The following LRBA variants were observed in gnomAD, a reference collection of about 807,000 sequenced individuals.
LRBA encodes the protein LPS responsive beige-like anchor protein.
In LRBA, 176 loss-of-function variants were observed where a neutral mutation model predicts 330.0. The observed-to-expected ratio is 0.53, with a 90% confidence interval of 0.47 to 0.60. LRBA has a LOEUF of 0.60. LRBA is among the 20% of genes least tolerant of loss of function. The probability of loss-of-function intolerance (pLI) is 0.00; values close to 1 mark genes in which losing one functional copy is unlikely to be tolerated. For synonymous variants in LRBA, 1,230 were observed against 1,193.0 expected (o/e 1.03, Z -0.64); for missense variants, 3,259 against 3,444.8 (o/e 0.95, Z 1.35).
chr4:150,960,303 A>G (rs573518399), intron 2 of LRBA, among the ~76,000 whole-genome samples: 1 of 148,890 alleles, frequency 6.7e-6, no homozygotes, highest in East Asian at 1.9e-4. Context: ...AAGGTATGGA[A>G]GCCAAATCTT....
intron 29 of LRBA, among the ~76,000 whole-genome samples, chr4:150,831,262 T>C (rs909083338): frequency 3.3e-5 from 5 of 151,852 alleles, no homozygotes; most frequent in African/African-American, 1.2e-4. Context: ...ACTTATAGCA[T>C]GTAGATATTT....
intron 35 of LRBA, among the ~76,000 whole-genome samples, chr4:150,756,307 C>G (rs1414824661): frequency 1.3e-5 from 2 of 152,068 alleles, no homozygotes; most frequent in Non-Finnish European, 2.9e-5. Context: ...TTGGAGGGAT[C>G]ACAAGCAAGC....
intron 55 of LRBA, among the ~76,000 whole-genome samples, chr4:150,281,508 A>G (rs936150804): frequency 6.6e-6 from 1 of 152,178 alleles, no homozygotes; most frequent in African/African-American, 2.4e-5. Context: ...GAAGGGGGTG[A>G]TCAGACTAGA....
intron 30 of LRBA, among the ~76,000 whole-genome samples, chr4:150,820,156 A>C (rs1239754022): frequency 1.3e-5 from 2 of 152,070 alleles, no homozygotes; most frequent in Admixed American, 6.6e-5. Flanking sequence ...ATCCTAAGGT[A>C]CATATTAATT....
At chr4:150,489,774 C>CTG (rs1479612738) in intron 41 of LRBA, among the ~76,000 whole-genome samples, 2 of 136,504 alleles carry the variant, frequency 1.5e-5, no homozygotes, top group Non-Finnish European at 3.1e-5. Flanking sequence ...ATATTCTTAT[C>CTG]TGTGTGTGTG....
intron 40 of LRBA, among the ~76,000 whole-genome samples, chr4:150,559,765 TTATA>T (rs1250989618): frequency 2.3e-5 from 2 of 85,864 alleles, no homozygotes; most frequent in Non-Finnish European, 4.2e-5. Context: ...ACATTATAGA[TTATA>T]TATATTATAT....
At chr4:150,288,149 G>A (rs888864701) in intron 53 of LRBA, among the ~76,000 whole-genome samples, 8 of 152,002 alleles carry the variant, frequency 5.3e-5, no homozygotes, top group African/African-American at 1.4e-4. Context: ...CCGCCACTGC[G>A]CCCAGCTAAT....
At chr4:150,648,090 T>G (rs1480818070) in intron 37 of LRBA, among the ~76,000 whole-genome samples, 2 of 137,646 alleles carry the variant, frequency 1.5e-5, no homozygotes, top group Admixed American at 1.6e-4. Flanking sequence ...CCAAGCAGCA[T>G]CAACATTTAT....
chr4:150,304,904 C>G (rs966953002), intron 52 of LRBA, among the ~76,000 whole-genome samples: 17 of 152,264 alleles, frequency 1.1e-4, no homozygotes, highest in African/African-American at 2.4e-4. Flanking sequence ...AGAAATACAT[C>G]ATATATACAT....
chr4:150,969,654 G>A (rs1345956960), intron 2 of LRBA, among the ~76,000 whole-genome samples: 1 of 152,124 alleles, frequency 6.6e-6, no homozygotes, highest in African/African-American at 2.4e-5. Flanking sequence ...ATTTTTGGTA[G>A]AGACAAGGTC....
intron 40 of LRBA, among the ~76,000 whole-genome samples, chr4:150,567,427 C>T (rs1341814774): frequency 6.6e-6 from 1 of 152,084 alleles, no homozygotes; most frequent in Non-Finnish European, 1.5e-5. Flanking sequence ...ACTTAAGAAA[C>T]TGTCATGGAC....
intron 17 of LRBA, among the ~76,000 whole-genome samples, chr4:150,889,560 T>C (rs1729270325): frequency 6.6e-6 from 1 of 152,176 alleles, no homozygotes; most frequent in South Asian, 2.1e-4. Context: ...TGGCATTAGA[T>C]TCTCATAGGA....
intron 46 of LRBA, among the ~76,000 whole-genome samples, chr4:150,431,192 T>C (rs1028767704): frequency 6.6e-6 from 1 of 152,206 alleles, no homozygotes; most frequent in African/African-American, 2.4e-5. Flanking sequence ...ATTTTAAAGA[T>C]TTAAAACACA....
intron 2 of LRBA, among the ~76,000 whole-genome samples, chr4:150,988,584 A>G (rs1741708970): frequency 6.6e-6 from 1 of 151,842 alleles, no homozygotes; most frequent in Non-Finnish European, 1.5e-5. Context: ...CAGAATATCA[A>G]ATTTTTTTTT....
chr4:150,488,938 C>T (rs1043437186), intron 41 of LRBA, among the ~76,000 whole-genome samples: 25 of 111,018 alleles, frequency 2.3e-4, no homozygotes, highest in Admixed American at 7.5e-4. Context: ...TATACACACA[C>T]GAGAATATAT....
chr4:150,664,462 T>C (rs986667068), intron 37 of LRBA, among the ~76,000 whole-genome samples: 1 of 152,196 alleles, frequency 6.6e-6, no homozygotes, highest in African/African-American at 2.4e-5. Context: ...GACATTTCAC[T>C]TCTTTATTTC....
chr4:150,781,379 T>C (rs948227938), intron 34 of LRBA, among the ~76,000 whole-genome samples: 4 of 152,188 alleles, frequency 2.6e-5, no homozygotes, highest in Non-Finnish European at 5.9e-5. Flanking sequence ...GCACGCACAG[T>C]TCACAACAGG....
rs749945037 is a variant in LRBA at position 150,850,808 on chromosome 4, G to A, written c.3920C>T (p.Pro1307Leu). 1 of 1,613,720 alleles carries A rather than the reference G, an allele frequency of 6.2e-7. No individual in the cohort carries two copies. The highest frequency in any genetic ancestry group is 1.7e-5 in the Admixed American group (1 of 60,016). The change falls in exon 24 of 57, where the codon CCT becomes CTT. Residue 1307 changes from proline (P) to leucine (L), a missense_variant. By Grantham distance (98) the Pro-to-Leu change is moderately conservative. Coordinates refer to ENST00000651943, the MANE Select transcript of LRBA (RefSeq NM_001364905.1). The part of the protein sequence containing the change: ...RDSRSTVFRI[P>L]EFNWSQMHQR... ...ATGCATCTGAGACCAGTTGAACTCA[G>A]GAATACGAAACACAGTAGATCTGGA...
At chr4:150,780,671 G>GTGTA (rs1738081724) in intron 34 of LRBA, among the ~76,000 whole-genome samples, 1 of 9,668 alleles carries the variant, frequency 1.0e-4, no homozygotes, top group Non-Finnish European at 4.3e-4. Context: ...GTGTGTGTGT[G>GTGTA]TATATATATA....
Sources: gnomAD v4.1 joint callset for allele counts (sites outside exome capture counted in the v4.1 genomes callset) on GRCh38, gnomAD v4.1.1 for gene constraint, MANE v1.5 for transcripts, NCBI Gene and HGNC (gene_info 2026-07-23, HGNC 2026-07-21) for gene names.